The following KCNH1 variants were observed in gnomAD, a reference collection of about 807,000 sequenced individuals.
KCNH1 encodes potassium voltage-gated channel subfamily H member 1.
A neutral mutation model predicts 69.2 loss-of-function variants in KCNH1; 27 were observed. The ratio of observed to expected loss-of-function variants is 0.39; its 90% CI spans 0.29 to 0.54. KCNH1 has a LOEUF of 0.54. KCNH1 is among the 20% of genes least tolerant of loss of function. The pLI is 0.68. For missense variants in KCNH1, 798 were observed against 1,261.6 expected (o/e 0.63, Z 5.57); for synonymous variants, 456 against 487.7 (o/e 0.93, Z 0.86).
At chr1:211,127,146 T>C (rs1691790888) in intron 1 of KCNH1, among the ~76,000 whole-genome samples, 1 of 152,198 alleles carries the variant, frequency 6.6e-6, no homozygotes, top group African/African-American at 2.4e-5. Context: ...TATTCCTACT[T>C]GTTAGCACAG....
intron 6 of KCNH1, among the ~76,000 whole-genome samples, chr1:210,979,414 G>A (rs1688672005): frequency 7.2e-5 from 11 of 152,136 alleles, no homozygotes; most frequent in Admixed American, 7.2e-4. Context: ...AAGAGGATTT[G>A]CCAACCTCAC....
intron 6 of KCNH1, among the ~76,000 whole-genome samples, chr1:210,994,887 C>T (rs1039404885): frequency 6.6e-6 from 1 of 152,128 alleles, no homozygotes; most frequent in African/African-American, 2.4e-5. Flanking sequence ...CCTCTGTTTC[C>T]TCACGTATAA....
intron 5 of KCNH1, among the ~76,000 whole-genome samples, chr1:211,081,740 T>TTC (rs1331875027): frequency 2.6e-5 from 4 of 152,142 alleles, no homozygotes; most frequent in Non-Finnish European, 5.9e-5. Context: ...ACACCACATG[T>TTC]TCTCACTCAT....
At chr1:211,030,139 T>C (rs868811576) in intron 5 of KCNH1, among the ~76,000 whole-genome samples, 26 of 152,318 alleles carry the variant, frequency 1.7e-4, no homozygotes, top group Middle Eastern at 6.8e-3. Context: ...AGAGTTTTTG[T>C]AGATGTGCAC....
At chr1:211,046,594 T>C (rs1423808839) in intron 5 of KCNH1, among the ~76,000 whole-genome samples, 1 of 152,214 alleles carries the variant, frequency 6.6e-6, no homozygotes, top group Admixed American at 6.5e-5. Flanking sequence ...GAAAAGTAAC[T>C]TGTCCAAGGC....
intron 6 of KCNH1, among the ~76,000 whole-genome samples, chr1:210,998,135 A>G (rs1374607021): frequency 5.3e-5 from 8 of 152,224 alleles, no homozygotes. Flanking sequence ...TAACATCACA[A>G]TGACAGGACC....
In KCNH1 at chr1:211,095,928, C is replaced by T. The variant is rs186147358; in HGVS notation, c.311-5238G>A. On this transcript the variant is annotated intron_variant, in intron 3 of 10. Transcript: ENST00000271751. ...ATCTTCAGTTATTCGGAGCCTTGGC[C>T]GCATCAGTTTAACTTCTCTCACCAT... is the stretch of plus-strand genomic sequence containing the variant. Among the ~76,000 whole-genome samples the T allele has an allele frequency of 1.1e-4, 17 of 152,176 alleles. No individual in the cohort carries two copies. In the East Asian group the frequency reaches 1.2e-3, roughly 10 times the overall value.
chr1:210,693,867 C>T (rs1475929539), intron 10 of KCNH1, among the ~76,000 whole-genome samples: 1 of 152,184 alleles, frequency 6.6e-6, no homozygotes, highest in Admixed American at 6.5e-5. Flanking sequence ...CTCACTCCTA[C>T]AGGGCTTTGG....
intron 10 of KCNH1, among the ~76,000 whole-genome samples, chr1:210,774,487 C>T (rs953739924): frequency 2.0e-5 from 3 of 152,006 alleles, no homozygotes; most frequent in Non-Finnish European, 2.9e-5. Context: ...ACTTGGAACC[C>T]CAGGACAAAT....
chr1:210,683,185 T>G lies in KCNH1; in HGVS notation c.*96A>C. 1 of 1,217,400 alleles carries G rather than the reference T, an allele frequency of 8.2e-7. No individual in the cohort carries two copies. The highest frequency in any genetic ancestry group is 2.3e-5 in the East Asian group (1 of 42,798). 75.4% of individuals were successfully genotyped at this position (1,217,400 alleles called of 1,614,324 possible). On this transcript the variant is annotated 3_prime_UTR_variant, in exon 11 of 11. Transcript: ENST00000271751. The surrounding 1 kb of genome is among the most constrained non-coding windows in gnomAD (Gnocchi z 5.7). ...ACTTTTTCTGTTAGGAAAAGCCTAC[T>G]TGAAAATTGTTGGTCATGTGGACAT...
At chr1:210,774,540 G>A (rs1189107849) in intron 10 of KCNH1, among the ~76,000 whole-genome samples, 7 of 152,170 alleles carry the variant, frequency 4.6e-5, no homozygotes, top group African/African-American at 1.7e-4. Flanking sequence ...AGCAGGTTGG[G>A]AGAAAGATTA....
chr1:210,878,594 T>TA (rs945798958), intron 7 of KCNH1, among the ~76,000 whole-genome samples: 62 of 151,702 alleles, frequency 4.1e-4, no homozygotes, highest in African/African-American at 1.2e-3. Context: ...AAACTAAATT[T>TA]AAAAAAAACA....
chr1:211,063,358 G>A (rs1489022333), intron 5 of KCNH1: 1 of 152,078 alleles, frequency 6.6e-6, no homozygotes, highest in African/African-American at 2.4e-5. Flanking sequence ...AACGGATAAA[G>A]AGGATTTGGT....
chr1:210,996,702 A>G (rs1375424355), intron 6 of KCNH1, among the ~76,000 whole-genome samples: 1 of 152,184 alleles, frequency 6.6e-6, no homozygotes, highest in Admixed American at 6.5e-5. Context: ...TGGGTCCTTG[A>G]CCCCTGAGCA....
chr1:210,713,042 T>C (rs1574200871), intron 10 of KCNH1, among the ~76,000 whole-genome samples: 1 of 152,332 alleles, frequency 6.6e-6, no homozygotes, highest in Non-Finnish European at 1.5e-5. Flanking sequence ...GTGCAGGCAA[T>C]ATTCCTTTAA....
chr1:211,016,870 C>T (rs528398517), intron 6 of KCNH1, among the ~76,000 whole-genome samples: 17 of 137,894 alleles, frequency 1.2e-4, no homozygotes, highest in East Asian at 4.2e-4. Context: ...GATCACACCA[C>T]GACATTCCAG....
intron 9 of KCNH1, among the ~76,000 whole-genome samples, chr1:210,777,944 G>A (rs1322327143): frequency 6.6e-6 from 1 of 152,220 alleles, no homozygotes; most frequent in Non-Finnish European, 1.5e-5. Flanking sequence ...TGCAGGCTCT[G>A]CCTGGATCAC....
intron 6 of KCNH1, among the ~76,000 whole-genome samples, chr1:210,982,940 T>C (rs1337281111): frequency 1.3e-5 from 2 of 152,228 alleles, no homozygotes; most frequent in Admixed American, 1.3e-4. Context: ...TGCTGTTTCC[T>C]GACTTTTTAA....
intron 7 of KCNH1, among the ~76,000 whole-genome samples, chr1:210,856,820 A>ATTATATATT: frequency 7.7e-6 from 1 of 130,324 alleles, no homozygotes; most frequent in African/African-American, 2.7e-5. Context: ...TATTATATAT[A>ATTATATATT]TTTTATATAT....
Sources: gnomAD v4.1 joint callset for allele counts (sites outside exome capture counted in the v4.1 genomes callset) on GRCh38, gnomAD v4.1.1 for gene constraint, Gnocchi (gnomAD v3.1) non-coding constraint, MANE v1.5 for transcripts, NCBI Gene and HGNC (gene_info 2026-07-23, HGNC 2026-07-21) for gene names.